Variants in PLAA observed in about 807,000 individuals in gnomAD.
PLAA encodes the protein phospholipase A2 activating protein, also known as phospholipase A-2-activating protein.
A neutral mutation model predicts 84.1 loss-of-function variants in PLAA; 48 were observed. The ratio of observed to expected loss-of-function variants is 0.57; its 90% confidence interval spans 0.45 to 0.73. PLAA has a LOEUF of 0.73. Ranked by LOEUF, PLAA falls within the 30% of genes least tolerant of loss-of-function variation. The probability of loss-of-function intolerance (pLI) is 0.00; values close to 1 mark genes in which losing one functional copy is unlikely to be tolerated. For synonymous variants in PLAA, 392 were observed against 336.6 expected, an observed-to-expected ratio of 1.16 and a Z score of -1.80; for missense variants, 903 against 954.7, an observed-to-expected ratio of 0.95 and a Z score of 0.71.
At chr9:26,942,444 A>G (rs1825569740) in intron 1 of PLAA, among the ~76,000 whole-genome samples, 1 of 152,252 alleles carries the variant, frequency 6.6e-6, no homozygotes, top group South Asian at 2.1e-4. Context: ...GGTAACGAAC[A>G]AAGACTTTGA....
intron 1 of PLAA, among the ~76,000 whole-genome samples, chr9:26,941,189 G>C (rs1207567620): frequency 1.9e-4 from 28 of 151,020 alleles, no homozygotes; most frequent in Admixed American, 1.8e-3. Flanking sequence ...CACGGGGGGT[G>C]GGGGAGGGAT....
rs1224133730 is a variant in PLAA, at chr9:26,905,183, A to T, written c.*328T>A. ...AACAACAGTTTGGTGTACATTAAGT[A>T]ATAAAAGCAAGTTATATGAGTAACA... On this transcript the variant is annotated 3_prime_UTR_variant, in exon 14 of 14. Coordinates refer to ENST00000397292, the MANE Select transcript of PLAA (RefSeq NM_001031689.3). 8.2e-6 allele frequency: 2 copies of T among 243,988 alleles called. No homozygotes were observed. The highest frequency in any genetic ancestry group is 4.6e-5 in the African/African-American group (2 of 43,860). 15.1% of individuals were successfully genotyped at this position (243,988 alleles called of 1,614,324 possible). A position where few individuals can be genotyped will look rare whatever the true frequency, so the allele number is the denominator to read the frequency against.
chr9:26,926,023 T>C (rs1824945555), intron 5 of PLAA, 63 bp from the exon 6 acceptor site: 1 of 1,316,098 alleles, frequency 7.6e-7, no homozygotes, highest in Non-Finnish European at 1.1e-6. Flanking sequence ...ATACATACCA[T>C]CTTTCTAGAT....
At position 26,920,324 on chromosome 9, in the gene PLAA, CACT is replaced by C. The variant is rs1824721419; in HGVS notation, c.1097_1099del (p.Gln366_Trp367delinsArg). The C allele has an allele frequency of 6.2e-7, 1 of 1,613,234 alleles. No homozygotes were observed. Among genetic ancestry groups the C allele is most frequent in the African/African-American group, 1.3e-5 (1 of 74,894 alleles). On this transcript the variant is annotated inframe_deletion, in exon 8 of 14. Transcript: ENST00000397292. ...TATCCACCTCCCTTCACTAACACTC[CACT>C]GATAGGCTTCGACTTTCTCCCCATC...
At chr9:26,907,037 A>G (rs769581081) in intron 13 of PLAA, among the ~76,000 whole-genome samples, 14 of 89,682 alleles carry the variant, frequency 1.6e-4, no homozygotes, top group Non-Finnish European at 2.7e-4. Flanking sequence ...CATTTTATTG[A>G]AAAAAAAAAA....
chr9:26,946,040 T>C (rs1825694271), intron 1 of PLAA, among the ~76,000 whole-genome samples: 2 of 152,202 alleles, frequency 1.3e-5, no homozygotes, highest in Non-Finnish European at 2.9e-5. Context: ...CTCTCCAGTA[T>C]CCCAAACAAA....
At chr9:26,942,375 T>A (rs1270942326) in intron 1 of PLAA, among the ~76,000 whole-genome samples, 1 of 152,182 alleles carries the variant, frequency 6.6e-6, no homozygotes, top group East Asian at 1.9e-4. Context: ...AAAGTTTGCA[T>A]TGTCAGGAGA....
At chr9:26,936,641 C>G (rs931115343) in intron 1 of PLAA, among the ~76,000 whole-genome samples, 3 of 152,192 alleles carry the variant, frequency 2.0e-5, no homozygotes, top group Non-Finnish European at 2.9e-5. Flanking sequence ...CATCTGTTCC[C>G]AGAGAACCTT....
At chr9:26,928,256 A>G in intron 3 of PLAA, 36 bp from the exon 4 acceptor site, 1 of 1,614,072 alleles carries the variant, frequency 6.2e-7, no homozygotes, top group Middle Eastern at 1.6e-4. Flanking sequence ...AAGTTGCCAC[A>G]GAATCATTCA....
rs368981217 is a variant in PLAA, at chr9:26,925,986, T to C, written c.734-26A>G. 57 of 1,586,868 alleles carry C rather than the reference T, an allele frequency of 3.6e-5. No homozygotes were observed. In the African/African-American group the frequency reaches 6.2e-4, roughly 17 times the overall value. ...CTAAAATTAATGAATATAGGAAGTATTAGTTTGAATAAAATTAAGTACATT... is the reference window on the plus strand; with the variant it reads ...CTAAAATTAATGAATATAGGAAGTACTAGTTTGAATAAAATTAAGTACATT... On this transcript the variant is annotated intron_variant, in intron 5 of 13. Transcript: ENST00000397292.
At position 26,907,822 on chromosome 9, in the gene PLAA, G is replaced by C. The variant is rs770300192; in HGVS notation, c.1822+12C>G. ...TGCTTTCTGGTTACATTTTTGAAGA[G>C]TGTTTATTTACCTTCAGGACAGTTA... On this transcript the variant is annotated intron_variant, in intron 13 of 13. Transcript: ENST00000397292. 1.9e-6 allele frequency: 3 copies of C among 1,587,004 alleles called. No homozygotes were observed. The highest frequency in any genetic ancestry group is 4.5e-5 in the East Asian group (2 of 44,340).
intron 6 of PLAA, among the ~76,000 whole-genome samples, chr9:26,924,596 T>C (rs1390893184): frequency 1.3e-5 from 2 of 152,152 alleles, no homozygotes; most frequent in African/African-American, 4.8e-5. Flanking sequence ...TCAAACCAAA[T>C]CCAAATGCTT....
Position 26,926,417 on chromosome 9 carries a change from T to G in PLAA, c.709A>C (p.Ile237Leu). ...YYGHTNYIYS[I>L]SVFPNCRDFV... Reference sequence around the variant, plus strand: ...CCTCTACAATTTGGAAAAACGGATATGCTATAAATATAATTTGTATGTCCA... The same window carrying G: ...CCTCTACAATTTGGAAAAACGGATAGGCTATAAATATAATTTGTATGTCCA... Residue 237 changes from isoleucine (I) to leucine (L), a missense_variant, in exon 5 of 14, where the codon ATA (isoleucine) becomes CTA (leucine). Coordinates refer to ENST00000397292, the MANE Select transcript of PLAA (RefSeq NM_001031689.3). The G allele has an allele frequency of 6.2e-7, 1 of 1,607,186 alleles. No individual in the cohort carries two copies. The highest frequency in any genetic ancestry group is 8.5e-7 in the Non-Finnish European group (1 of 1,174,164).
intron 7 of PLAA, among the ~76,000 whole-genome samples, chr9:26,922,474 T>A (rs1824801016): frequency 6.6e-6 from 1 of 152,098 alleles, no homozygotes; most frequent in Non-Finnish European, 1.5e-5. Flanking sequence ...AAAAATTAGT[T>A]TTGACCTCAT....
At chr9:26,927,414 C>T (rs1825011124) in intron 4 of PLAA, among the ~76,000 whole-genome samples, 1 of 152,094 alleles carries the variant, frequency 6.6e-6, no homozygotes, top group Admixed American at 6.6e-5. Context: ...TGAGTCACTG[C>T]ACCCAGCCAA....
rs370013195 is a variant in PLAA at position 26,919,293 on chromosome 9, T to C, written c.1417+17A>G. 72 of 1,534,304 alleles carry C rather than the reference T, an allele frequency of 4.7e-5. No individual in the cohort carries two copies. Among genetic ancestry groups the C allele is most frequent in the Middle Eastern group, 4.7e-4 (2 of 4,240 alleles). Reference sequence around the variant, plus strand: ...ACTAATGGAACTACATAAGACTCAATATAAACACTAACTTACCTGTAAATG... The same window carrying C: ...ACTAATGGAACTACATAAGACTCAACATAAACACTAACTTACCTGTAAATG... On this transcript the variant is annotated intron_variant, in intron 9 of 13. Transcript: ENST00000397292.
At chr9:26,940,785 A>G (rs1157030079) in intron 1 of PLAA, among the ~76,000 whole-genome samples, 1 of 152,254 alleles carries the variant, frequency 6.6e-6, no homozygotes, top group African/African-American at 2.4e-5. Context: ...CTGAAGCATT[A>G]TGAAAAAGTC....
Position 26,934,868 on chromosome 9 carries a change from GAT to G in PLAA, c.343+143_343+144del. Reference sequence around the variant, plus strand: ...TGTAACAGAATTTTTACGGAACTAAGATAGCCCAAAAGCGTTTCCATTACCAA... The same window carrying G: ...TGTAACAGAATTTTTACGGAACTAAGAGCCCAAAAGCGTTTCCATTACCAA... On this transcript the variant is annotated intron_variant, in intron 2 of 13. Coordinates refer to ENST00000397292, the MANE Select transcript of PLAA (RefSeq NM_001031689.3). 3 of 609,172 alleles carry G rather than the reference GAT, an allele frequency of 4.9e-6. No homozygotes were observed. The South Asian group carries it at 7.2e-5, about 15-fold the overall frequency. The allele number at this position is 609,172 out of a possible 1,614,324, so 37.7% of individuals were successfully genotyped here. A position where few individuals can be genotyped will look rare whatever the true frequency, so the allele number is the denominator to read the frequency against.
intron 6 of PLAA, among the ~76,000 whole-genome samples, chr9:26,924,289 C>A (rs928740400): frequency 6.6e-6 from 1 of 151,952 alleles, no homozygotes; most frequent in Non-Finnish European, 1.5e-5. Context: ...TGCCACCATG[C>A]CCAGCTAATT....
Sources: allele counts gnomAD v4.1 joint callset (sites outside exome capture counted in the v4.1 genomes callset), GRCh38; gene constraint gnomAD v4.1.1; transcripts MANE v1.5; gene names NCBI Gene and HGNC (gene_info 2026-07-23, HGNC 2026-07-21).